The following EPB41L2 variants were observed in gnomAD, a reference collection of about 807,000 sequenced individuals.
EPB41L2 encodes band 4.1-like protein 2.
EPB41L2 carries 43 observed loss-of-function variants against 113.0 expected under a neutral mutation model. The observed-to-expected ratio is 0.38, with a 90% CI of 0.30 to 0.49. The LOEUF is 0.49. Among genes scored for constraint, EPB41L2 ranks in the 20% least tolerant of loss-of-function variants. EPB41L2 has a pLI of 0.95. For missense variants in EPB41L2, 1,147 were observed against 1,223.4 expected (o/e 0.94, Z 0.93); for synonymous variants, 442 against 436.7 (o/e 1.01, Z -0.15).
chr6:131,007,688 T>C (rs546433827), intron 1 of EPB41L2, among the ~76,000 whole-genome samples: 137 of 152,262 alleles, frequency 9.0e-4, no homozygotes, highest in African/African-American at 1.7e-3. Flanking sequence ...AGATGAGGAA[T>C]GTGTTGGGAA....
intron 1 of EPB41L2, among the ~76,000 whole-genome samples, chr6:130,972,392 T>A (rs184271503): frequency 3.1e-4 from 46 of 149,992 alleles, no homozygotes; most frequent in Non-Finnish European, 5.9e-4. Flanking sequence ...ACCTATCATA[T>A]GACTCTAAAG....
At chr6:130,969,191 T>C (rs1776127416) in intron 1 of EPB41L2, among the ~76,000 whole-genome samples, 1 of 151,916 alleles carries the variant, frequency 6.6e-6, no homozygotes, top group African/African-American at 2.4e-5. Flanking sequence ...TTGCAAATAA[T>C]TTGAAGAGAC....
chr6:130,856,721 A>G (rs1056597223), intron 19 of EPB41L2, among the ~76,000 whole-genome samples: 2 of 152,234 alleles, frequency 1.3e-5, no homozygotes, highest in Admixed American at 6.5e-5. Flanking sequence ...GATTATTTTA[A>G]CAACAGAAAG....
At chr6:130,956,700 G>C (rs1378427529) in intron 1 of EPB41L2, among the ~76,000 whole-genome samples, 1 of 152,164 alleles carries the variant, frequency 6.6e-6, no homozygotes, top group Non-Finnish European at 1.5e-5. Flanking sequence ...CAGCATCACA[G>C]ACCCAAAACT....
intron 3 of EPB41L2, among the ~76,000 whole-genome samples, chr6:130,946,629 G>A (rs1812911182): frequency 1.3e-5 from 2 of 152,076 alleles, no homozygotes; most frequent in Non-Finnish European, 2.9e-5. Flanking sequence ...AAAAGTAGAG[G>A]ATGAGGGGAG....
At chr6:130,929,515 A>G (rs1805972743) in intron 3 of EPB41L2, among the ~76,000 whole-genome samples, 1 of 152,142 alleles carries the variant, frequency 6.6e-6, no homozygotes, top group Non-Finnish European at 1.5e-5. Flanking sequence ...GACTGTGAGG[A>G]CTTGCCAAGC....
At chr6:130,844,967 A>C (rs1428845011) in intron 19 of EPB41L2, among the ~76,000 whole-genome samples, 1 of 151,998 alleles carries the variant, frequency 6.6e-6, no homozygotes, top group Non-Finnish European at 1.5e-5. Flanking sequence ...GCTTGAACCC[A>C]CGAGGCAGAA....
chr6:131,023,753 ATAGATATATAGATAT>A (rs1377291095), intron 1 of EPB41L2, among the ~76,000 whole-genome samples: 145 of 74,398 alleles, frequency 1.9e-3, no homozygotes, highest in African/African-American at 8.0e-3. Context: ...ATATCTATAT[ATAGATATATAGATAT>A]ATAGATATAT....
chr6:131,003,533 C>A (rs192259058), intron 1 of EPB41L2, among the ~76,000 whole-genome samples: 24 of 152,268 alleles, frequency 1.6e-4, no homozygotes, highest in Non-Finnish European at 3.1e-4. Flanking sequence ...AAGGGCAAAA[C>A]CACAGTTTTG....
intron 1 of EPB41L2, among the ~76,000 whole-genome samples, chr6:131,024,182 T>C (rs1179328678): frequency 6.6e-6 from 1 of 151,618 alleles, no homozygotes; most frequent in Non-Finnish European, 1.5e-5. Flanking sequence ...AACTAAACTC[T>C]GAAGATCAGC....
At chr6:130,993,379 A>G (rs1450088376) in intron 1 of EPB41L2, among the ~76,000 whole-genome samples, 2 of 152,236 alleles carry the variant, frequency 1.3e-5, no homozygotes, top group African/African-American at 2.4e-5. Context: ...ACAGGTACTT[A>G]TAATTGTCTC....
chr6:130,856,273 T>A (rs2128419166), intron 19 of EPB41L2, among the ~76,000 whole-genome samples: 1 of 152,324 alleles, frequency 6.6e-6, no homozygotes, highest in South Asian at 2.1e-4. Context: ...ACTATTTTAA[T>A]AATGAAAGAC....
chr6:130,905,121 A>G (rs1797341740), intron 5 of EPB41L2, among the ~76,000 whole-genome samples: 1 of 152,196 alleles, frequency 6.6e-6, no homozygotes, highest in African/African-American at 2.4e-5. Context: ...GAGTAGGTGT[A>G]AGTATATTCG....
chr6:130,901,156 C>T lies in EPB41L2; in HGVS notation c.954G>A (p.Arg318=). 6.2e-7 allele frequency: 1 copy of T among 1,613,710 alleles called. No homozygotes were observed. Among genetic ancestry groups the T allele is most frequent in the Non-Finnish European group, 8.5e-7 (1 of 1,179,970 alleles). Residue 318 remains arginine, a synonymous_variant, in exon 7 of 20, where the codon CGG becomes CGA. Transcript: ENST00000337057. The part of the protein sequence containing the change: ...ITRYFLCLQL[R]QDIASGRLPC... ...GCAGGCGGCCAGAGGCAATGTCCTGCCGGAGCTGAAGGCACAAGAAGTATC... is the reference window on the plus strand; with the variant it reads ...GCAGGCGGCCAGAGGCAATGTCCTGTCGGAGCTGAAGGCACAAGAAGTATC...
Position 131,058,321 on chromosome 6 carries a change from C to T in EPB41L2, c.-15+4834G>A, listed in dbSNP as rs182245525. ...GAAAATTCAGAAAGCCTCTGAAATTCTAATTAAAATTAATACTATCCCAAC... is the reference window on the plus strand; with the variant it reads ...GAAAATTCAGAAAGCCTCTGAAATTTTAATTAAAATTAATACTATCCCAAC... On this transcript the variant is annotated intron_variant, in intron 1 of 19. Transcript: ENST00000337057. 1.6e-3 allele frequency among the ~76,000 whole-genome samples: 245 copies of T among 152,194 alleles called. 1 individual carries two copies. The highest frequency in any genetic ancestry group is 4.7e-4 in the Non-Finnish European group (32 of 68,010).
At chr6:130,924,877 G>A (rs887675947) in intron 4 of EPB41L2, among the ~76,000 whole-genome samples, 1 of 152,156 alleles carries the variant, frequency 6.6e-6, no homozygotes, top group Non-Finnish European at 1.5e-5. Flanking sequence ...AGCAGTTAAT[G>A]TCTACATATA....
intron 7 of EPB41L2, among the ~76,000 whole-genome samples, chr6:130,900,696 G>A (rs1385744188): frequency 6.6e-6 from 1 of 152,182 alleles, no homozygotes; most frequent in Non-Finnish European, 1.5e-5. Context: ...TAGGGGGATA[G>A]GGAGAAGAAG....
At chr6:131,014,669 G>C (rs773763739) in intron 1 of EPB41L2, among the ~76,000 whole-genome samples, 1 of 152,140 alleles carries the variant, frequency 6.6e-6, no homozygotes, top group Non-Finnish European at 1.5e-5. Flanking sequence ...CTCTCCAAAA[G>C]GGTACAATTT....
rs1407176640 is a variant in EPB41L2, at chr6:130,956,136, G to A, written c.350C>T (p.Pro117Leu). Residue 117 changes from proline (P) to leucine (L), a missense_variant, in exon 2 of 20, where the codon CCC (proline) becomes CTC (leucine). Pro to Leu is a moderately conservative substitution (Grantham distance 98). Coordinates refer to ENST00000337057, the MANE Select transcript of EPB41L2 (RefSeq NM_001431.4). Reference sequence around the variant, plus strand: ...AGCCTGTCTCTGTTCTTCTGGAAGGGGTTCCTCTTTATCTAAGACCTGTTC... The same window carrying A: ...AGCCTGTCTCTGTTCTTCTGGAAGGAGTTCCTCTTTATCTAAGACCTGTTC... ...VEEQVLDKEE[P>L]LPEEQRQAKG... The A allele has an allele frequency of 3.7e-6, 6 of 1,613,896 alleles. No individual in the cohort carries two copies. Among genetic ancestry groups the A allele is most frequent in the East Asian group, 2.2e-5 (1 of 44,890 alleles).
Sources: gnomAD v4.1 joint callset for allele counts (sites outside exome capture counted in the v4.1 genomes callset) on GRCh38, gnomAD v4.1.1 for gene constraint, MANE v1.5 for transcripts, NCBI Gene and HGNC (gene_info 2026-07-23, HGNC 2026-07-21) for gene names.